The following ATG7 variants were observed in gnomAD, a reference collection of about 807,000 sequenced individuals.
The protein encoded by ATG7 is ubiquitin-like modifier-activating enzyme ATG7.
Under a neutral mutation model 82.4 loss-of-function variants are expected in ATG7, and 70 were observed. The observed-to-expected ratio is 0.85, with a 90% CI of 0.70 to 1.04. The LOEUF (loss-of-function observed/expected upper bound fraction) is 1.04. Among genes scored for constraint, ATG7 ranks in the 50% least tolerant of loss-of-function variants. ATG7 has a pLI of 0.00. For synonymous variants in ATG7, 287 were observed against 313.0 expected (o/e 0.92, Z 0.88); for missense variants, 792 against 864.3 (o/e 0.92, Z 1.05).
chr3:11,453,274 G>A (rs545117472), intron 20 of ATG7, among the ~76,000 whole-genome samples: 2 of 152,332 alleles, frequency 1.3e-5, no homozygotes, highest in East Asian at 3.9e-4. Context: ...CTGTCCCCAA[G>A]CTTTAGTAAC....
chr3:11,421,020 G>A (rs1239190246), intron 19 of ATG7, among the ~76,000 whole-genome samples: 1 of 152,112 alleles, frequency 6.6e-6, no homozygotes, highest in Non-Finnish European at 1.5e-5. Context: ...CTCCCAAAGT[G>A]CTGGGATTAC....
chr3:11,511,501 T>G (rs1046859990), intron 20 of ATG7, among the ~76,000 whole-genome samples: 5 of 152,176 alleles, frequency 3.3e-5, no homozygotes, highest in Admixed American at 6.5e-5. Context: ...ACTCTCCATG[T>G]CCCCACCAGA....
intron 20 of ATG7, among the ~76,000 whole-genome samples, chr3:11,470,505 C>T (rs906238497): frequency 1.3e-5 from 2 of 152,204 alleles, no homozygotes; most frequent in Non-Finnish European, 2.9e-5. Flanking sequence ...TTGACCGAAA[C>T]GTCATTATGT....
At chr3:11,524,194 T>TAGG (rs1273377880) in intron 20 of ATG7, among the ~76,000 whole-genome samples, 9 of 152,170 alleles carry the variant, frequency 5.9e-5, no homozygotes, top group African/African-American at 1.9e-4. Flanking sequence ...CCTGGCAGGC[T>TAGG]CCCCTTCACT....
At chr3:11,358,742 C>T in intron 15 of ATG7, 130 bp downstream of exon 15, 1 of 953,898 alleles carries the variant, frequency 1.0e-6, no homozygotes, top group Non-Finnish European at 1.5e-6. Context: ...TGCCAAAGGG[C>T]TTCTGCTTCA....
the ATG7 span, among the ~76,000 whole-genome samples, chr3:11,565,753 AG>A: frequency 1.3e-5 from 2 of 152,208 alleles, no homozygotes; most frequent in Admixed American, 1.3e-4. The surrounding 1 kb of genome is among the most constrained non-coding windows in gnomAD (Gnocchi z 4.1). Flanking sequence ...CGTGGAATCC[AG>A]GTGAGACAGT....
intron 20 of ATG7, among the ~76,000 whole-genome samples, chr3:11,436,966 T>C (rs1345963192): frequency 6.6e-6 from 1 of 152,196 alleles, no homozygotes; most frequent in African/African-American, 2.4e-5. Flanking sequence ...GGTGATGAAA[T>C]GTTCTAATCT....
At chr3:11,375,586 G>T (rs1300440149) in intron 18 of ATG7, among the ~76,000 whole-genome samples, 6 of 152,158 alleles carry the variant, frequency 3.9e-5, no homozygotes, top group Non-Finnish European at 8.8e-5. Flanking sequence ...CCAAGATGGA[G>T]CCTTGCTCTG....
At chr3:11,352,010 C>T (rs748553905) in intron 14 of ATG7, among the ~76,000 whole-genome samples, 16 of 143,916 alleles carry the variant, frequency 1.1e-4, no homozygotes, top group Admixed American at 6.3e-4. Flanking sequence ...CCTCCCTCCA[C>T]GCCACGACAG....
intron 9 of ATG7, among the ~76,000 whole-genome samples, chr3:11,318,971 A>G (rs1949832435): frequency 6.6e-6 from 1 of 152,062 alleles, no homozygotes; most frequent in Non-Finnish European, 1.5e-5. Context: ...GTAATTGTTG[A>G]TTTGCTTTTC....
At chr3:11,477,897 T>C (rs1420607836) in intron 20 of ATG7, among the ~76,000 whole-genome samples, 1 of 152,152 alleles carries the variant, frequency 6.6e-6, no homozygotes, top group African/African-American at 2.4e-5. Context: ...AGGCCTGATA[T>C]CAGTAGCCCC....
chr3:11,365,204 C>T (rs1264601461), intron 18 of ATG7, among the ~76,000 whole-genome samples: 8 of 152,174 alleles, frequency 5.3e-5, no homozygotes, highest in Non-Finnish European at 1.2e-4. Context: ...CAGTGTATAT[C>T]ATAGGCCCTC....
rs188599312 is a variant in ATG7 at position 11,404,610 on chromosome 3, C to T, written c.1957-22194C>T. Reference sequence around the variant, plus strand: ...GCATGTACCTAGCCTTGTGCCTGTGCCATGTTGTATTAGTCTTTCTCATGC... The same window carrying T: ...GCATGTACCTAGCCTTGTGCCTGTGTCATGTTGTATTAGTCTTTCTCATGC... On this transcript the variant is annotated intron_variant, in intron 19 of 20. Coordinates refer to ENST00000693202, the MANE Select transcript of ATG7 (RefSeq NM_001349232.2). Among the ~76,000 whole-genome samples, 20 of 152,058 alleles carry T rather than the reference C, an allele frequency of 1.3e-4. 1 individual carries two copies. Among genetic ancestry groups the T allele is most frequent in the African/African-American group, 4.3e-4 (18 of 41,482 alleles).
chr3:11,397,124 TAGAA>T (rs2079367631), intron 19 of ATG7, among the ~76,000 whole-genome samples: 1 of 152,154 alleles, frequency 6.6e-6, no homozygotes, highest in African/African-American at 2.4e-5. Flanking sequence ...ATGCTGGCGG[TAGAA>T]AGATTATCAA....
intron 18 of ATG7, among the ~76,000 whole-genome samples, chr3:11,373,989 T>G (rs2077213196): frequency 6.6e-6 from 1 of 152,202 alleles, no homozygotes; most frequent in African/African-American, 2.4e-5. Flanking sequence ...ATTTATTGTC[T>G]TACGAGCAAA....
chr3:11,337,300 A>G (rs903499289), intron 11 of ATG7, among the ~76,000 whole-genome samples: 1 of 152,104 alleles, frequency 6.6e-6, no homozygotes, highest in Non-Finnish European at 1.5e-5. Context: ...TAAAAATACA[A>G]AAATTAGCTG....
At chr3:11,473,129 G>T (rs773336494) in intron 20 of ATG7, among the ~76,000 whole-genome samples, 1 of 152,142 alleles carries the variant, frequency 6.6e-6, no homozygotes, top group Non-Finnish European at 1.5e-5. Flanking sequence ...AATATTTGCA[G>T]CTCCCTCTTA....
chr3:11,509,807 T>G (rs546249374), intron 20 of ATG7, among the ~76,000 whole-genome samples: 1 of 152,218 alleles, frequency 6.6e-6, no homozygotes, highest in Non-Finnish European at 1.5e-5. Flanking sequence ...GCACTCAAAT[T>G]TTCCCTGACT....
chr3:11,273,704 G>T (rs1298354403), intron 1 of ATG7, among the ~76,000 whole-genome samples: 1 of 152,058 alleles, frequency 6.6e-6, no homozygotes, highest in Admixed American at 6.6e-5. Flanking sequence ...ATTATTGTGG[G>T]CACTGGTGAT....
Sources: allele counts gnomAD v4.1 joint callset (sites outside exome capture counted in the v4.1 genomes callset), GRCh38; gene constraint gnomAD v4.1.1; non-coding constraint Gnocchi (gnomAD v3.1); transcripts MANE v1.5; gene names NCBI Gene and HGNC (gene_info 2026-07-23, HGNC 2026-07-21).